Variants in CFAP100 observed in about 807,000 individuals in gnomAD.
CFAP100 encodes the protein cilia- and flagella-associated protein 100.
CFAP100 carries 70 observed loss-of-function variants against 81.5 expected under a neutral mutation model. The ratio of observed to expected loss-of-function variants is 0.86; its 90% confidence interval spans 0.71 to 1.05. The LOEUF (loss-of-function observed/expected upper bound fraction) is 1.05. Among genes scored for constraint, CFAP100 ranks in the 50% least tolerant of loss-of-function variants. The pLI is 0.00. For synonymous variants in CFAP100, 341 were observed against 314.8 expected, an observed-to-expected ratio of 1.08 and a Z score of -0.88; for missense variants, 811 against 776.5, an observed-to-expected ratio of 1.04 and a Z score of -0.53.
rs768803759 is a variant in CFAP100 at position 126,434,299 on chromosome 3, G to A, written c.1546G>A (p.Glu516Lys). The A allele has an allele frequency of 1.7e-5, 27 of 1,613,990 alleles. No individual in the cohort carries two copies. The highest frequency in any genetic ancestry group is 2.3e-5 in the Non-Finnish European group (27 of 1,180,036). The change falls in exon 15 of 17, where the codon GAG becomes AAG. Residue 516 changes from glutamate (E) to lysine (K), a missense_variant. Coordinates refer to ENST00000352312, the MANE Select transcript of CFAP100 (RefSeq NM_182628.3). ...MLTIIEHQLD[E>K]LLENLEHVPQ... Reference sequence around the variant, plus strand: ...GACCATCATTGAGCACCAGCTGGATGAGCTGCTAGAGAACCTGGAGCACGT... The same window carrying A: ...GACCATCATTGAGCACCAGCTGGATAAGCTGCTAGAGAACCTGGAGCACGT...
At chr3:126,416,222 C>A in intron 4 of CFAP100, 94 bp from the exon 5 acceptor site, 1 of 756,906 alleles carries the variant, frequency 1.3e-6, no homozygotes, top group Non-Finnish European at 1.9e-6. Context: ...TCCTCGCGCG[C>A]AAACCCGCGT....
intron 13 of CFAP100, among the ~76,000 whole-genome samples, chr3:126,430,232 T>TTAAG (rs71150441): frequency 0.32 from 48,193 of 151,882 alleles, 7,631 homozygotes; most frequent in East Asian, 0.36. Context: ...CATTATTTCT[T>TTAAG]TAAGTTCTCT....
At chr3:126,427,399 T>C (rs1256888357) in intron 13 of CFAP100, among the ~76,000 whole-genome samples, 2 of 152,206 alleles carry the variant, frequency 1.3e-5, no homozygotes, top group African/African-American at 4.8e-5. Context: ...GTGTAACCTG[T>C]TGTGGAGCAA....
Position 126,407,264 on chromosome 3 carries a change from G to C in CFAP100, c.130+12G>C. 12 of 1,606,886 alleles carry C rather than the reference G, an allele frequency of 7.5e-6. No homozygotes were observed. The highest frequency in any genetic ancestry group is 1.0e-5 in the Non-Finnish European group (12 of 1,174,432). On this transcript the variant is annotated intron_variant, in intron 3 of 16. Transcript: ENST00000352312. ...AAGAAAAAACGAAGGTAACCTTCAA[G>C]CTGGGAGGCTAAAGTCCAAGTTGGC...
intron 11 of CFAP100, chr3:126,420,510 A>T: frequency 2.1e-6 from 1 of 471,456 alleles, no homozygotes. Context: ...GGGCTCTTGG[A>T]CAAAGGCCTG....
intron 13 of CFAP100, among the ~76,000 whole-genome samples, chr3:126,427,259 A>C (rs1052433129): frequency 6.6e-6 from 1 of 152,220 alleles, no homozygotes; most frequent in Non-Finnish European, 1.5e-5. Flanking sequence ...GACTTAATAA[A>C]ACTACAGTAA....
chr3:126,425,133 G>C (rs532959071), intron 13 of CFAP100, among the ~76,000 whole-genome samples: 1 of 152,364 alleles, frequency 6.6e-6, no homozygotes, highest in East Asian at 1.9e-4. Context: ...CAGCTTTCCA[G>C]ATAATTGGGC....
chr3:126,405,428 C>A (rs2083047925), intron 2 of CFAP100, among the ~76,000 whole-genome samples: 1 of 152,102 alleles, frequency 6.6e-6, no homozygotes, highest in Admixed American at 6.6e-5. Context: ...TTTGGGAGGC[C>A]AAGGTGGGTG....
rs553604868 is a variant in CFAP100 at position 126,400,027 on chromosome 3, C to T, written c.49+3978C>T. Among the ~76,000 whole-genome samples the T allele has an allele frequency of 4.6e-5, 7 of 152,302 alleles. 1 individual carries two copies. The South Asian group carries it at 8.3e-4, about 18-fold the overall frequency. Reference sequence around the variant, plus strand: ...AACTCCAGGGTCTAAAGCAACCTCCCGGCTCTGTTGGTCAAGGGCTGTCCT... The same window carrying T: ...AACTCCAGGGTCTAAAGCAACCTCCTGGCTCTGTTGGTCAAGGGCTGTCCT... On this transcript the variant is annotated intron_variant, in intron 2 of 16. Transcript: ENST00000352312.
intron 3 of CFAP100, among the ~76,000 whole-genome samples, chr3:126,413,827 G>A (rs917818507): frequency 2.0e-5 from 3 of 152,252 alleles, no homozygotes; most frequent in African/African-American, 7.2e-5. Flanking sequence ...GCAGACGTGT[G>A]AGACAAGGCT....
chr3:126,429,232 T>C (rs189622873), intron 13 of CFAP100, among the ~76,000 whole-genome samples: 1 of 152,250 alleles, frequency 6.6e-6, no homozygotes, highest in African/African-American at 2.4e-5. Context: ...TTGATTACTA[T>C]GTCAATCTCC....
chr3:126,414,216 C>CAGGGAAG, intron 4 of CFAP100, 37 bp downstream of exon 4: 4 of 1,468,350 alleles, frequency 2.7e-6, no homozygotes, highest in Non-Finnish European at 3.8e-6. Context: ...CCTCCGGGAG[C>CAGGGAAG]TTCCCTGCTC....
rs771744625 is a variant in CFAP100 at position 126,418,738 on chromosome 3, G to A, written c.614G>A (p.Arg205Lys). The A allele has an allele frequency of 2.5e-6, 4 of 1,598,674 alleles. No individual in the cohort carries two copies. Among genetic ancestry groups the A allele is most frequent in the South Asian group, 2.3e-5 (2 of 88,344 alleles). The change falls in exon 7 of 17, where the codon AGG (arginine) becomes AAG (lysine). Residue 205 changes from arginine (R) to lysine (K), a missense_variant. Arg to Lys is a conservative substitution (Grantham distance 26, BLOSUM62 2). Coordinates refer to ENST00000352312, the MANE Select transcript of CFAP100 (RefSeq NM_182628.3). Reference sequence around the variant, plus strand: ...GCCGCCTTGTTCGACGAGTTCGTCAGGGAGAATGACTGCAGCTCCGTGCAG... The same window carrying A: ...GCCGCCTTGTTCGACGAGTTCGTCAAGGAGAATGACTGCAGCTCCGTGCAG... ...KDAALFDEFV[R>K]ENDCSSVQAM...
At chr3:126,398,254 G>A (rs778310967) in intron 2 of CFAP100, among the ~76,000 whole-genome samples, 54 of 152,348 alleles carry the variant, frequency 3.5e-4, no homozygotes, top group East Asian at 1.2e-3. Context: ...AGCCCAGTGC[G>A]GGGCCAGTTC....
At position 126,407,124 on chromosome 3, in the gene CFAP100, T is replaced by C. The variant is rs532980972; in HGVS notation, c.50-48T>C. On this transcript the variant is annotated intron_variant, in intron 2 of 16. Coordinates refer to ENST00000352312, the MANE Select transcript of CFAP100 (RefSeq NM_182628.3). ...CCTCAGGCTGTGTTCACAGTTCTCA[T>C]GGGCCAGGGGAGTCACTGCTGCGGC... 2.5e-5 allele frequency: 34 copies of C among 1,353,596 alleles called. No individual in the cohort carries two copies. The South Asian group carries it at 3.9e-4, about 16-fold the overall frequency. The allele number at this position is 1,353,596 out of a possible 1,614,324, so 83.8% of individuals were successfully genotyped here.
At chr3:126,407,313 C>T (rs1175952129) in intron 3 of CFAP100, 61 bp downstream of exon 3, 3 of 1,052,804 alleles carry the variant, frequency 2.8e-6, no homozygotes, top group East Asian at 2.4e-5. Context: ...TCTCCCTCTG[C>T]CCCCAGATCC....
At chr3:126,396,396 T>C (rs2082889844) in intron 2 of CFAP100, 1 of 251,272 alleles carries the variant, frequency 4.0e-6, no homozygotes, top group Non-Finnish European at 7.6e-6. Context: ...CTTGGTGCTC[T>C]TTGGCTTGTA....
intron 13 of CFAP100, among the ~76,000 whole-genome samples, chr3:126,425,462 G>A (rs1229658401): frequency 6.6e-6 from 1 of 152,216 alleles, no homozygotes; most frequent in South Asian, 2.1e-4. Context: ...GGGTTTGCTG[G>A]TGAATTCTAC....
At chr3:126,401,451 G>C (rs1172419770) in intron 2 of CFAP100, among the ~76,000 whole-genome samples, 1 of 105,550 alleles carries the variant, frequency 9.5e-6, no homozygotes, top group East Asian at 3.0e-4. Context: ...ATAGTATTAT[G>C]TTACTGCAAT....
Sources: gnomAD v4.1 joint callset for allele counts (sites outside exome capture counted in the v4.1 genomes callset) on GRCh38, gnomAD v4.1.1 for gene constraint, MANE v1.5 for transcripts, NCBI Gene and HGNC (gene_info 2026-07-23, HGNC 2026-07-21) for gene names.